ARHGEF26: variants seen among roughly 807,000 people sequenced by gnomAD.
ARHGEF26 encodes the protein Rho guanine nucleotide exchange factor 26.
ARHGEF26 carries 59 observed loss-of-function variants against 89.4 expected under a neutral mutation model. The observed-to-expected ratio is 0.66, with a 90% confidence interval of 0.54 to 0.82. The LOEUF (loss-of-function observed/expected upper bound fraction) is 0.82, where lower values mean the gene tolerates loss of function less well. Among genes scored for constraint, ARHGEF26 ranks in the 40% least tolerant of loss-of-function variants. The pLI is 0.00. For missense variants in ARHGEF26, 1,234 were observed against 1,085.6 expected, an observed-to-expected ratio of 1.14 and a Z score of -1.92; for synonymous variants, 500 against 428.4, an observed-to-expected ratio of 1.17 and a Z score of -2.06.
intron 7 of ARHGEF26, among the ~76,000 whole-genome samples, chr3:154,189,424 G>T (rs1203723498): frequency 7.0e-6 from 1 of 143,502 alleles, no homozygotes; most frequent in Non-Finnish European, 1.5e-5. Context: ...TGCAACTTCT[G>T]CATCCCAGGT....
intron 6 of ARHGEF26, among the ~76,000 whole-genome samples, chr3:154,164,459 TA>T: frequency 6.6e-6 from 1 of 151,730 alleles, no homozygotes; most frequent in Admixed American, 6.6e-5. Context: ...AGATACTTTA[TA>T]CAGTGTTTCC....
intron 4 of ARHGEF26, among the ~76,000 whole-genome samples, chr3:154,138,854 C>T (rs956637351): frequency 5.9e-5 from 9 of 152,192 alleles, no homozygotes; most frequent in African/African-American, 2.2e-4. Context: ...ACAGACTCCA[C>T]CTTGCATTCA....
At chr3:154,236,413 G>C (rs551701362) in intron 11 of ARHGEF26, among the ~76,000 whole-genome samples, 1 of 152,294 alleles carries the variant, frequency 6.6e-6, no homozygotes, top group East Asian at 1.9e-4. Context: ...GGTAAACTTG[G>C]AGCACATATA....
chr3:154,123,173 T>C, intron 2 of ARHGEF26, 98 bp downstream of exon 2: 1 of 1,498,974 alleles, frequency 6.7e-7, no homozygotes. Context: ...GAAGAAGTCA[T>C]TCCGTTTTAA....
chr3:154,239,291 AGAGAGAGAGTGTGTGTGTGTGT>A (rs1559920552), intron 11 of ARHGEF26, among the ~76,000 whole-genome samples: 721 of 61,782 alleles, frequency 0.012, 2 homozygotes, highest in Non-Finnish European at 0.019. Context: ...AGAGAGAGAG[AGAGAGAGAGTGTGTGTGTGTGT>A]GTGTGTGTGT....
chr3:154,197,248 A>G (rs1714349544), intron 9 of ARHGEF26, among the ~76,000 whole-genome samples: 1 of 152,186 alleles, frequency 6.6e-6, no homozygotes. Flanking sequence ...CCAGCGTTAC[A>G]GGGAAACTGA....
At chr3:154,151,541 G>A (rs1295785910) in intron 5 of ARHGEF26, among the ~76,000 whole-genome samples, 1 of 152,098 alleles carries the variant, frequency 6.6e-6, no homozygotes, top group East Asian at 1.9e-4. Flanking sequence ...GGGGGTTATT[G>A]TATTGATTGA....
intron 12 of ARHGEF26, 27 bp from the exon 13 acceptor site, chr3:154,253,089 C>T: frequency 6.2e-7 from 1 of 1,613,294 alleles, no homozygotes; most frequent in Non-Finnish European, 8.5e-7. Context: ...CCTTGAGTCT[C>T]TCAGTTGGAT....
chr3:154,216,218 A>C (rs1715716281), intron 9 of ARHGEF26, among the ~76,000 whole-genome samples: 2 of 151,950 alleles, frequency 1.3e-5, no homozygotes, highest in African/African-American at 4.8e-5. Flanking sequence ...TTTATGGCAA[A>C]TGACTCTAAT....
At chr3:154,173,137 T>C (rs1050830122) in intron 6 of ARHGEF26, among the ~76,000 whole-genome samples, 1 of 152,162 alleles carries the variant, frequency 6.6e-6, no homozygotes, top group Non-Finnish European at 1.5e-5. Flanking sequence ...AATTATGCCA[T>C]TTCAAGGGAA....
chr3:154,207,528 CA>C (rs1715102379), intron 9 of ARHGEF26, among the ~76,000 whole-genome samples: 1 of 151,968 alleles, frequency 6.6e-6, no homozygotes, highest in African/African-American at 2.4e-5. Flanking sequence ...TAGAGAAATG[CA>C]AATCAAAACC....
chr3:154,247,418 C>T (rs1341617765), intron 12 of ARHGEF26, among the ~76,000 whole-genome samples: 1 of 152,184 alleles, frequency 6.6e-6, no homozygotes, highest in Non-Finnish European at 1.5e-5. Flanking sequence ...TCTTTCCATT[C>T]CACTGCCTCC....
At chr3:154,160,306 GTAT>G (rs1434747923) in intron 6 of ARHGEF26, among the ~76,000 whole-genome samples, 2 of 152,088 alleles carry the variant, frequency 1.3e-5, no homozygotes, top group Admixed American at 1.3e-4. Flanking sequence ...AGTTGTTTAG[GTAT>G]TATTTCAATA....
chr3:154,140,782 T>C (rs755013662), intron 4 of ARHGEF26, among the ~76,000 whole-genome samples: 1 of 151,990 alleles, frequency 6.6e-6, no homozygotes, highest in East Asian at 1.9e-4. Context: ...GGTTTTGTTA[T>C]GTTGGTCAGG....
In ARHGEF26 at chr3:154,142,101, G is replaced by C. The variant is rs188543413; in HGVS notation, c.1270-7288G>C. Among the ~76,000 whole-genome samples, 98 of 152,300 alleles carry C rather than the reference G, an allele frequency of 6.4e-4. No homozygotes were observed. In the East Asian group the frequency reaches 0.01, roughly 16 times the overall value. ...CACAGTTGAAATCACAGAAAGCAGT[G>C]AAGTGAAGATGAGGAAAGTTTTGTC... is the stretch of plus-strand genomic sequence containing the variant. On this transcript the variant is annotated intron_variant, in intron 4 of 14. Transcript: ENST00000465093.
At chr3:154,194,584 G>T in intron 8 of ARHGEF26, 60 bp from the exon 9 acceptor site, 1 of 1,226,330 alleles carries the variant, frequency 8.2e-7, no homozygotes, top group Non-Finnish European at 1.2e-6. Context: ...GCTGGACATT[G>T]GTTTTATTTT....
intron 9 of ARHGEF26, among the ~76,000 whole-genome samples, chr3:154,199,022 G>C (rs527559860): frequency 6.6e-6 from 1 of 151,930 alleles, no homozygotes. Context: ...ATGGAGAATG[G>C]GGTATCCATC....
In ARHGEF26 at chr3:154,170,399, A is replaced by C. The variant is rs1343570069; in HGVS notation, c.1488-17286A>C. On this transcript the variant is annotated intron_variant, in intron 6 of 14. Transcript: ENST00000465093. Reference sequence around the variant, plus strand: ...AAGAAAAGAAAAAACAAACAAACCCATGACTTCCTATTGAGATAACTCAGG... The same window carrying C: ...AAGAAAAGAAAAAACAAACAAACCCCTGACTTCCTATTGAGATAACTCAGG... 2.0e-5 allele frequency among the ~76,000 whole-genome samples: 3 copies of C among 152,144 alleles called. No individual in the cohort carries two copies. In the East Asian group the frequency reaches 5.8e-4, roughly 29 times the overall value.
chr3:154,225,675 A>AT (rs1275879947), intron 10 of ARHGEF26, 181 bp from the exon 11 acceptor site: 5 of 495,758 alleles, frequency 1.0e-5, no homozygotes, highest in Non-Finnish European at 1.6e-5. Context: ...GTTCTTTTTC[A>AT]TTTTTTCTTG....
Sources: allele counts gnomAD v4.1 joint callset (sites outside exome capture counted in the v4.1 genomes callset), GRCh38; gene constraint gnomAD v4.1.1; transcripts MANE v1.5; gene names NCBI Gene and HGNC (gene_info 2026-07-23, HGNC 2026-07-21).